The following DST variants were observed in gnomAD, a reference collection of about 807,000 sequenced individuals.
DST encodes dystonin.
Under a neutral mutation model 875.2 loss-of-function variants are expected in DST, and 253 were observed. The observed-to-expected ratio is 0.29, with a 90% CI of 0.26 to 0.32. DST has a LOEUF of 0.32. DST is among the 10% of genes least tolerant of loss of function. The pLI, the probability that DST is intolerant of heterozygous loss-of-function variation, is 1.00. For synonymous variants in DST, 3,124 were observed against 3,197.1 expected (o/e 0.98, Z 0.77); for missense variants, 8,287 against 9,111.6 (o/e 0.91, Z 3.68).
rs1256706514 is a variant in DST at position 56,739,955 on chromosome 6, A to T, written c.626-4666T>A. ...CAGCTCGCTACAACCTCCGCCTCCC[A>T]GGTTCAAGGGATTCTCTTGTCTCAG... is the stretch of plus-strand genomic sequence containing the variant. On this transcript the variant is annotated intron_variant, in intron 4 of 103. Coordinates refer to ENST00000680361, the MANE Select transcript of DST (RefSeq NM_001374736.1). Among the ~76,000 whole-genome samples the T allele has an allele frequency of 2.6e-5, 4 of 152,118 alleles. No homozygotes were observed. The East Asian group carries it at 7.7e-4, about 29-fold the overall frequency.
At chr6:56,747,454 T>C (rs2099576015) in intron 4 of DST, among the ~76,000 whole-genome samples, 1 of 152,170 alleles carries the variant, frequency 6.6e-6, no homozygotes, top group Non-Finnish European at 1.5e-5. Flanking sequence ...CACAATTGGC[T>C]AAGAATTGAA....
At chr6:56,599,226 C>T (rs186037130) in intron 45 of DST, among the ~76,000 whole-genome samples, 149 of 152,142 alleles carry the variant, frequency 9.8e-4, no homozygotes, top group African/African-American at 3.3e-3. Context: ...AAGATCTCTC[C>T]TTAGTAGTTA....
intron 80 of DST, 125 bp from the exon 81 acceptor site, chr6:56,498,178 T>C: frequency 5.3e-6 from 5 of 945,526 alleles, no homozygotes; most frequent in Non-Finnish European, 7.8e-6. Flanking sequence ...TGTAGAATTT[T>C]AATTTTTTTT....
intron 3 of DST, among the ~76,000 whole-genome samples, chr6:56,868,363 C>G (rs1274558602): frequency 1.3e-5 from 2 of 152,146 alleles, no homozygotes; most frequent in East Asian, 3.8e-4. Flanking sequence ...AAATTGTCCA[C>G]AAATCCATCA....
In DST at chr6:56,633,093, G is replaced by A. The variant is rs1029348262; in HGVS notation, c.3622-56C>T. The A allele has an allele frequency of 3.5e-6, 5 of 1,446,652 alleles. No individual in the cohort carries two copies. The African/African-American group carries it at 7.0e-5, about 20-fold the overall frequency. The allele number at this position is 1,446,652 out of a possible 1,614,324, so 89.6% of individuals were successfully genotyped here. A position where few individuals can be genotyped will look rare whatever the true frequency, so the allele number is the denominator to read the frequency against. On this transcript the variant is annotated intron_variant, in intron 27 of 103. Coordinates refer to ENST00000680361, the MANE Select transcript of DST (RefSeq NM_001374736.1). The stretch of plus-strand genomic sequence containing the variant: ...TTCTATTACTCATAGATTTGAATGG[G>A]AGACACTTCAAACTGGTCGTGTGGT...
In DST at chr6:56,593,974, A is replaced by C; in HGVS notation, c.12415T>G (p.Phe4139Val). Residue 4139 changes from phenylalanine (F) to valine (V), a missense_variant, in exon 48 of 104, where the codon TTT becomes GTT. Phe to Val is a conservative substitution (Grantham distance 50). Around this residue, in one of 10 missense-constraint regions of DST, gnomAD observed 1,513 missense variants for 1,677.8 expected, o/e 0.90. Coordinates refer to ENST00000680361, the MANE Select transcript of DST (RefSeq NM_001374736.1). ...TCAAACTCGGTATAGTCAGCATCAA[A>C]CTTTTCTAATTCTTCCTGCAGAGAG... is the stretch of plus-strand genomic sequence containing the variant. ...THSLQEELEK[F>V]DADYTEFEHW... 6.2e-7 allele frequency: 1 copy of C among 1,613,888 alleles called. No homozygotes were observed. The highest frequency in any genetic ancestry group is 8.5e-7 in the Non-Finnish European group (1 of 1,179,868).
At chr6:56,726,636 T>C (rs535413771) in intron 5 of DST, among the ~76,000 whole-genome samples, 25 of 152,336 alleles carry the variant, frequency 1.6e-4, no homozygotes, top group African/African-American at 5.5e-4. Flanking sequence ...CCTCAGTTTC[T>C]ATACCTATAA....
intron 4 of DST, chr6:56,843,662 G>GCCGCGCCGCAGACACTCGC: frequency 1.0e-6 from 1 of 983,494 alleles, no homozygotes; most frequent in South Asian, 4.7e-5. Context: ...TTTCCTGGCC[G>GCCGCGCCGCAGACACTCGC]CCGCGCCGCA....
intron 3 of DST, among the ~76,000 whole-genome samples, chr6:56,859,753 C>T (rs142354171): frequency 2.0e-5 from 3 of 152,110 alleles, no homozygotes; most frequent in Non-Finnish European, 2.9e-5. Flanking sequence ...GTGACAAAAT[C>T]GCCAATTTAT....
intron 49 of DST, among the ~76,000 whole-genome samples, chr6:56,584,682 G>T (rs1273691645): frequency 6.6e-6 from 1 of 151,992 alleles, no homozygotes; most frequent in South Asian, 2.1e-4. Context: ...AGTTTTCAAA[G>T]GGAATGCTTC....
intron 75 of DST, 135 bp from the exon 76 acceptor site, chr6:56,506,924 C>T (rs540694763): frequency 3.2e-6 from 3 of 947,414 alleles, no homozygotes; most frequent in South Asian, 7.4e-5. Context: ...TAAGTTTCTG[C>T]AATAAATTTT....
Position 56,777,850 on chromosome 6 carries a change from C to T in DST, c.626-42561G>A, listed in dbSNP as rs145390939. Among the ~76,000 whole-genome samples the T allele has an allele frequency of 1.7e-3, 258 of 151,986 alleles. 2 individuals carry two copies. Among genetic ancestry groups the T allele is most frequent in the African/African-American group, 6.0e-3 (248 of 41,348 alleles). ...TACCTGGACTACAGGCATATGCCAC[C>T]ACACCTGGATAATTTGGGGGCGTTT... On this transcript the variant is annotated intron_variant, in intron 4 of 103. Coordinates refer to ENST00000680361, the MANE Select transcript of DST (RefSeq NM_001374736.1).
At position 56,552,104 on chromosome 6, in the gene DST, A is replaced by C. The variant is rs2097335364; in HGVS notation, c.16608+80T>G. On this transcript the variant is annotated intron_variant, in intron 61 of 103. Coordinates refer to ENST00000680361, the MANE Select transcript of DST (RefSeq NM_001374736.1). ...ACAATCATTATTAAAAAGTTCTACA[A>C]AATAGGCAATCTCCTTTCTAAGCAA... The C allele has an allele frequency of 4.9e-6, 7 of 1,440,730 alleles. No individual in the cohort carries two copies. In the African/African-American group the frequency reaches 7.1e-5, roughly 15 times the overall value. 89.2% of individuals were successfully genotyped at this position (1,440,730 alleles called of 1,614,324 possible).
At position 56,606,031 on chromosome 6, in the gene DST, C is replaced by T; in HGVS notation, c.8597G>A (p.Cys2866Tyr). Reference protein sequence around the residue: ...TMILLDKMHSCSSLEKQQRVN... With the variant: ...TMILLDKMHSYSSLEKQQRVN... ...CCTTTGCTGTTTTTCTAAAGAGCTA[C>T]AACTGTGCATTTTATCCAGAAGAAT... The change falls in exon 40 of 104, where the codon TGT (cysteine) becomes TAT (tyrosine). Residue 2866 changes from cysteine (C) to tyrosine (Y), a missense_variant. Transcript: ENST00000680361. The T allele has an allele frequency of 6.2e-7, 1 of 1,612,820 alleles. No individual in the cohort carries two copies. The highest frequency in any genetic ancestry group is 8.5e-7 in the Non-Finnish European group (1 of 1,179,144).
chr6:56,657,404 G>C (rs2152807238), intron 10 of DST, among the ~76,000 whole-genome samples: 1 of 152,190 alleles, frequency 6.6e-6, no homozygotes, highest in African/African-American at 2.4e-5. Flanking sequence ...ATGAAGCCTG[G>C]AAAAGATAGC....
chr6:56,553,796 A>G (rs1190542710), intron 60 of DST, 141 bp from the exon 61 acceptor site: 1 of 740,866 alleles, frequency 1.3e-6, no homozygotes, highest in African/African-American at 1.8e-5. Context: ...AAGAACTACA[A>G]GTGAACTTAA....
chr6:56,551,835 T>C (rs1327709759), intron 61 of DST, among the ~76,000 whole-genome samples: 1 of 152,192 alleles, frequency 6.6e-6, no homozygotes, highest in Admixed American at 6.5e-5. Context: ...TGCTGGAAGA[T>C]AAACATCTGC....
chr6:56,894,906 T>C (rs1790311811), intron 3 of DST, among the ~76,000 whole-genome samples: 2 of 48,786 alleles, frequency 4.1e-5, no homozygotes, highest in South Asian at 7.5e-4. Context: ...GCAGAGGGGC[T>C]CCTCACTTCC....
rs1292759979 is a variant in DST, at chr6:56,508,617, G to T, written c.19151C>A (p.Thr6384Asn). The T allele has an allele frequency of 1.2e-6, 2 of 1,613,634 alleles. No homozygotes were observed. The highest frequency in any genetic ancestry group is 1.7e-6 in the Non-Finnish European group (2 of 1,179,808). The change falls in exon 75 of 104, where the codon ACC becomes AAC. Residue 6384 changes from threonine (T) to asparagine (N), a missense_variant. Coordinates refer to ENST00000680361, the MANE Select transcript of DST (RefSeq NM_001374736.1). ...GATGAAATCTTGAGTATCTTTAATGGTAACTATCAATGACATGTGATCACA... is the reference window on the plus strand; with the variant it reads ...GATGAAATCTTGAGTATCTTTAATGTTAACTATCAATGACATGTGATCACA... ...FWCDHMSLIV[T>N]IKDTQDFIRD...
Sources: gnomAD v4.1 joint callset for allele counts (sites outside exome capture counted in the v4.1 genomes callset) on GRCh38, gnomAD v4.1.1 for gene constraint, gnomAD v4.1.1 regional missense constraint, MANE v1.5 for transcripts, NCBI Gene and HGNC (gene_info 2026-07-23, HGNC 2026-07-21) for gene names.